Variants in IL1RAPL1 observed in about 807,000 individuals in gnomAD.
The protein encoded by IL1RAPL1 is interleukin 1 receptor accessory protein like 1.
In IL1RAPL1, 3 loss-of-function variants were observed where a neutral mutation model predicts 48.4. That is an observed-to-expected ratio of 0.06 (90% CI 0.03 to 0.16). The LOEUF is 0.16. Among genes scored for constraint, IL1RAPL1 ranks in the 10% least tolerant of loss-of-function variants. IL1RAPL1 has a pLI of 1.00. For synonymous variants in IL1RAPL1, 185 were observed against 187.7 expected (o/e 0.99, Z 0.12); for missense variants, 349 against 530.6 (o/e 0.66, Z 3.36).
At chrX:29,755,849 C>A (rs1436975223) in intron 6 of IL1RAPL1, among the ~76,000 whole-genome samples, 1 of 111,859 alleles carries the variant, frequency 8.9e-6, no homozygotes. Context: ...TTTTTAAATT[C>A]TTTCAAATGA....
chrX:28,784,222 T>A (rs1280388792), intron 1 of IL1RAPL1, among the ~76,000 whole-genome samples: 1 of 112,093 alleles, frequency 8.9e-6, no homozygotes, highest in Non-Finnish European at 1.9e-5. Context: ...TCGCTTTGTG[T>A]AAATTGAACT....
At chrX:29,184,928 A>G (rs1411734579) in intron 2 of IL1RAPL1, among the ~76,000 whole-genome samples, 1 of 112,255 alleles carries the variant, frequency 8.9e-6, no homozygotes, top group Non-Finnish European at 1.9e-5. Flanking sequence ...ATCAATTCCT[A>G]TTAGTACACT....
chrX:29,651,890 A>T (rs190934517), intron 5 of IL1RAPL1, among the ~76,000 whole-genome samples: 18 of 111,943 alleles, frequency 1.6e-4, no homozygotes, highest in Non-Finnish European at 3.2e-4. Flanking sequence ...ATAGATACAT[A>T]CAATGTTATC....
chrX:29,715,246 G>A (rs1177898481), intron 6 of IL1RAPL1, among the ~76,000 whole-genome samples: 3 of 111,275 alleles, frequency 2.7e-5, no homozygotes, highest in Non-Finnish European at 3.8e-5. Context: ...TCTTAGGCCA[G>A]TGGTCCTAAA....
At chrX:29,726,470 T>C (rs1348652685) in intron 6 of IL1RAPL1, among the ~76,000 whole-genome samples, 1 of 111,805 alleles carries the variant, frequency 8.9e-6, no homozygotes, top group Non-Finnish European at 1.9e-5. Context: ...AGTATCCTTA[T>C]AGTGATCCTG....
intron 2 of IL1RAPL1, among the ~76,000 whole-genome samples, chrX:29,069,814 T>G (rs1342192216): frequency 8.9e-6 from 1 of 111,968 alleles, no homozygotes; most frequent in Non-Finnish European, 1.9e-5. Flanking sequence ...CTTGTAAGAT[T>G]GTTCTCCTTT....
At chrX:29,850,870 C>T (rs894455374) in intron 6 of IL1RAPL1, among the ~76,000 whole-genome samples, 14 of 112,197 alleles carry the variant, frequency 1.2e-4, no homozygotes, top group African/African-American at 3.6e-4. Context: ...TCTCGAACTT[C>T]GAGCCTTCCA....
chrX:28,675,463 A>G (rs910120095), intron 1 of IL1RAPL1, among the ~76,000 whole-genome samples: 4 of 111,871 alleles, frequency 3.6e-5, no homozygotes, highest in Admixed American at 1.9e-4. Context: ...TGCTGGTATA[A>G]GTAGGCATTG....
intron 1 of IL1RAPL1, among the ~76,000 whole-genome samples, chrX:28,712,943 G>A (rs918033299): frequency 1.8e-4 from 20 of 111,480 alleles, no homozygotes; most frequent in Non-Finnish European, 1.5e-4. Context: ...AATGTCCATC[G>A]CTAAATAATA....
intron 1 of IL1RAPL1, among the ~76,000 whole-genome samples, chrX:28,629,895 T>C (rs777913260): frequency 6.3e-5 from 7 of 111,951 alleles, no homozygotes; most frequent in African/African-American, 2.3e-4. Flanking sequence ...GTCATCCTAT[T>C]CAACTTGTGG....
intron 2 of IL1RAPL1, among the ~76,000 whole-genome samples, chrX:28,907,040 T>TA (rs1229990928): frequency 9.0e-6 from 1 of 111,361 alleles, no homozygotes; most frequent in African/African-American, 3.3e-5. Flanking sequence ...GTTTTTTTTT[T>TA]AACCATTAAG....
At chrX:29,418,123 A>ATTT (rs1477273573) in intron 5 of IL1RAPL1, among the ~76,000 whole-genome samples, 6 of 29,486 alleles carry the variant, frequency 2.0e-4, no homozygotes, top group African/African-American at 9.9e-4. Context: ...ATATATATAT[A>ATTT]TATTTTTTTT....
At chrX:29,947,876 C>T (rs1418581768) in intron 9 of IL1RAPL1, among the ~76,000 whole-genome samples, 1 of 108,121 alleles carries the variant, frequency 9.2e-6, no homozygotes, top group Non-Finnish European at 1.9e-5. Context: ...TAGAGTTGTT[C>T]TGGGTATATG....
At chrX:29,723,460 G>A (rs1927694617) in intron 6 of IL1RAPL1, among the ~76,000 whole-genome samples, 1 of 111,855 alleles carries the variant, frequency 8.9e-6, no homozygotes, top group African/African-American at 3.3e-5. Flanking sequence ...TGTTGGCCAG[G>A]CTGGTCTCGA....
intron 2 of IL1RAPL1, among the ~76,000 whole-genome samples, chrX:28,935,878 G>T (rs1056426407): frequency 2.1e-4 from 23 of 111,936 alleles, no homozygotes; most frequent in African/African-American, 7.5e-4. Context: ...GTGAGTCTCA[G>T]TGTTCAGCAG....
At chrX:29,166,619 CA>C (rs770325005) in intron 2 of IL1RAPL1, among the ~76,000 whole-genome samples, 15 of 112,112 alleles carry the variant, frequency 1.3e-4, no homozygotes, top group Non-Finnish European at 2.3e-4. Flanking sequence ...CAAGTATGAT[CA>C]AGCTGCTCTC....
chrX:28,892,839 T>G (rs1922809823), intron 2 of IL1RAPL1, among the ~76,000 whole-genome samples: 1 of 111,126 alleles, frequency 9.0e-6, no homozygotes, highest in Non-Finnish European at 1.9e-5. Flanking sequence ...CGGTTTTGTA[T>G]GAATTGAAAA....
chrX:29,941,902 G>T, intron 9 of IL1RAPL1, 108 bp downstream of exon 9: 1 of 690,203 alleles, frequency 1.4e-6, no homozygotes. Context: ...GCAGCAGCTC[G>T]TATATTCTTT....
At chrX:29,193,948 T>C (rs1313266872) in intron 2 of IL1RAPL1, among the ~76,000 whole-genome samples, 1 of 111,953 alleles carries the variant, frequency 8.9e-6, no homozygotes, top group Non-Finnish European at 1.9e-5. Context: ...TTATTTCAAG[T>C]TAAACGTTGA....
Sources: allele counts gnomAD v4.1 joint callset (sites outside exome capture counted in the v4.1 genomes callset), GRCh38; gene constraint gnomAD v4.1.1; transcripts MANE v1.5; gene names NCBI Gene and HGNC (gene_info 2026-07-23, HGNC 2026-07-21).